The following ZMAT4 variants were observed in gnomAD, a reference collection of about 807,000 sequenced individuals.
ZMAT4 encodes zinc finger matrin-type 4, also known as zinc finger matrin-type protein 4.
A neutral mutation model predicts 28.7 loss-of-function variants in ZMAT4; 17 were observed. That is an observed-to-expected ratio of 0.59 (90% CI 0.41 to 0.89). ZMAT4 has a LOEUF of 0.89. Ranked by LOEUF, ZMAT4 falls within the 40% of genes least tolerant of loss-of-function variation. ZMAT4 has a pLI of 0.00. For synonymous variants in ZMAT4, 117 were observed against 109.2 expected (o/e 1.07, Z -0.44); for missense variants, 240 against 283.8 (o/e 0.85, Z 1.11).
chr8:40,789,675 C>A (rs573518774), intron 2 of ZMAT4, among the ~76,000 whole-genome samples: 1 of 152,192 alleles, frequency 6.6e-6, no homozygotes, highest in Non-Finnish European at 1.5e-5. Flanking sequence ...TCATGTACCC[C>A]ATAAATATAC....
rs181017800 is a variant in ZMAT4 at position 40,856,055 on chromosome 8, T to C, written c.-4-30375A>G. On this transcript the variant is annotated intron_variant, in intron 1 of 6. Transcript: ENST00000297737. ...CCCTGCCACAAGACCCTCCCCCCGG[T>C]AGGGAATAGTACATGGGCCCCAGTA... Among the ~76,000 whole-genome samples, 52 of 151,860 alleles carry C rather than the reference T, an allele frequency of 3.4e-4. 1 individual carries two copies. The East Asian group carries it at 9.9e-3, about 29-fold the overall frequency.
intron 5 of ZMAT4, among the ~76,000 whole-genome samples, chr8:40,611,148 G>T (rs562926599): frequency 6.6e-6 from 1 of 152,188 alleles, no homozygotes; most frequent in Admixed American, 6.5e-5. Flanking sequence ...TAGCTTATTT[G>T]ACTTTGCTCT....
chr8:40,791,359 C>T (rs181831608), intron 2 of ZMAT4, among the ~76,000 whole-genome samples: 89 of 152,252 alleles, frequency 5.8e-4, no homozygotes, highest in African/African-American at 2.1e-3. Context: ...CTGGGAAATC[C>T]CGCTTCCAAA....
At position 40,532,242 on chromosome 8, in the gene ZMAT4, T is replaced by G. The variant is rs749279915; in HGVS notation, c.675-4A>C. 3.8e-6 allele frequency: 6 copies of G among 1,585,190 alleles called. No individual in the cohort carries two copies. The Admixed American group carries it at 1.1e-4, about 28-fold the overall frequency. ...CTTTCACTACTTATTCTTCAGGCTA[T>G]AAGACAGAAGGAAACACAGTGTTAC... On this transcript the variant is annotated splice_region_variant and splice_polypyrimidine_tract_variant and intron_variant, in intron 6 of 6. Transcript: ENST00000297737.
intron 1 of ZMAT4, among the ~76,000 whole-genome samples, chr8:40,846,683 G>T (rs1563523939): frequency 6.6e-6 from 1 of 152,190 alleles, no homozygotes; most frequent in African/African-American, 2.4e-5. Flanking sequence ...AACTGCAGGA[G>T]CAGGGCTGGG....
At chr8:40,727,989 G>A (rs35929878) in intron 3 of ZMAT4, among the ~76,000 whole-genome samples, 151 of 152,240 alleles carry the variant, frequency 9.9e-4, no homozygotes, top group Non-Finnish European at 1.7e-3. Flanking sequence ...GCAAAAATAG[G>A]TAGTTATGGG....
At chr8:40,626,018 G>A (rs923693955) in intron 5 of ZMAT4, among the ~76,000 whole-genome samples, 2 of 151,748 alleles carry the variant, frequency 1.3e-5, no homozygotes, top group Non-Finnish European at 1.5e-5. Flanking sequence ...GCTGAGGCAG[G>A]AGAATCGTTT....
chr8:40,662,926 G>C (rs549190289), intron 5 of ZMAT4, among the ~76,000 whole-genome samples: 2 of 152,082 alleles, frequency 1.3e-5, no homozygotes, highest in South Asian at 4.2e-4. Flanking sequence ...CCTCTGCCTT[G>C]GTCTCCTCCA....
At chr8:40,792,075 A>C (rs960852191) in intron 2 of ZMAT4, among the ~76,000 whole-genome samples, 1 of 152,238 alleles carries the variant, frequency 6.6e-6, no homozygotes, top group Non-Finnish European at 1.5e-5. Context: ...ACTTTGAGGC[A>C]GAAAATACTT....
chr8:40,638,048 G>A (rs1300116707), intron 5 of ZMAT4, among the ~76,000 whole-genome samples: 1 of 152,154 alleles, frequency 6.6e-6, no homozygotes, highest in Non-Finnish European at 1.5e-5. Flanking sequence ...GGTTATCAGA[G>A]GTCGAAGCAA....
chr8:40,775,632 G>T (rs1335991697), intron 2 of ZMAT4, among the ~76,000 whole-genome samples: 1 of 152,120 alleles, frequency 6.6e-6, no homozygotes, highest in Non-Finnish European at 1.5e-5. Context: ...CAAGAGTCAG[G>T]GATCCACTAG....
chr8:40,803,974 C>G (rs1273536018), intron 2 of ZMAT4, among the ~76,000 whole-genome samples: 1 of 152,094 alleles, frequency 6.6e-6, no homozygotes, highest in African/African-American at 2.4e-5. Flanking sequence ...ATTTAAGAAG[C>G]TAATCTGAAA....
intron 5 of ZMAT4, among the ~76,000 whole-genome samples, chr8:40,605,347 T>C (rs1376069844): frequency 6.6e-6 from 1 of 152,220 alleles, no homozygotes; most frequent in East Asian, 1.9e-4. Flanking sequence ...AGCACCACTT[T>C]TGCTGTATCC....
At chr8:40,608,913 C>G (rs1805695978) in intron 5 of ZMAT4, among the ~76,000 whole-genome samples, 1 of 152,160 alleles carries the variant, frequency 6.6e-6, no homozygotes, top group Non-Finnish European at 1.5e-5. Context: ...TTCAGGCACT[C>G]ACAGTTTTAC....
chr8:40,833,442 C>T (rs1012067177), intron 1 of ZMAT4, among the ~76,000 whole-genome samples: 2 of 150,958 alleles, frequency 1.3e-5, no homozygotes, highest in Non-Finnish European at 2.9e-5. Flanking sequence ...GTGGTGCGTG[C>T]CTGTAATCCC....
chr8:40,713,141 AAAC>A (rs2150509703), intron 3 of ZMAT4, among the ~76,000 whole-genome samples: 1 of 152,340 alleles, frequency 6.6e-6, no homozygotes, highest in South Asian at 2.1e-4. Context: ...GTCAGAGCCA[AAAC>A]AACAAAATAA....
intron 5 of ZMAT4, among the ~76,000 whole-genome samples, chr8:40,643,158 G>T (rs1018353529): frequency 6.6e-6 from 1 of 152,108 alleles, no homozygotes; most frequent in Admixed American, 6.5e-5. Context: ...CCAAGCACAT[G>T]TCTGTGCCCA....
intron 3 of ZMAT4, among the ~76,000 whole-genome samples, chr8:40,725,745 T>C (rs1048660694): frequency 1.3e-5 from 2 of 152,060 alleles, no homozygotes; most frequent in African/African-American, 2.4e-5. Flanking sequence ...CACTCCAGCC[T>C]GGTGTCAGAG....
chr8:40,776,949 T>C (rs1187454193), intron 2 of ZMAT4, among the ~76,000 whole-genome samples: 1 of 151,212 alleles, frequency 6.6e-6, no homozygotes, highest in Non-Finnish European at 1.5e-5. Context: ...TGTAAAGTCA[T>C]GAGTTTATTG....
Sources: allele counts gnomAD v4.1 joint callset (sites outside exome capture counted in the v4.1 genomes callset), GRCh38; gene constraint gnomAD v4.1.1; transcripts MANE v1.5; gene names NCBI Gene and HGNC (gene_info 2026-07-23, HGNC 2026-07-21).